ZNF670: variants seen among roughly 807,000 people sequenced by gnomAD.
ZNF670 encodes zinc finger protein 670.
A neutral mutation model predicts 10.9 loss-of-function variants in ZNF670; 7 were observed. That is an observed-to-expected ratio of 0.64 (90% CI 0.36 to 1.20). The LOEUF (loss-of-function observed/expected upper bound fraction) is 1.20. Ranked by LOEUF, ZNF670 falls within the 50% of genes most tolerant of loss-of-function variation. ZNF670 has a pLI of 0.02. For missense variants in ZNF670, 446 were observed against 458.6 expected (o/e 0.97, Z 0.25); for synonymous variants, 136 against 152.7 (o/e 0.89, Z 0.81).
intron 1 of ZNF670, among the ~76,000 whole-genome samples, chr1:247,059,487 AAAAATAAAAAAT>A (rs1416389635): frequency 2.0e-5 from 3 of 151,974 alleles, no homozygotes; most frequent in Non-Finnish European, 2.9e-5. Context: ...ATAAATAAAC[AAAAATAAAAAAT>A]AAAATAAAAA....
At chr1:247,042,960 C>A in intron 1 of ZNF670, 1 of 707,814 alleles carries the variant, frequency 1.4e-6, no homozygotes, top group Non-Finnish European at 2.6e-6. Flanking sequence ...ACATTCGATA[C>A]CAATCCTTCA....
chr1:247,049,476 G>C (rs1412802893), intron 1 of ZNF670, among the ~76,000 whole-genome samples: 2 of 151,958 alleles, frequency 1.3e-5, no homozygotes, highest in African/African-American at 4.8e-5. Context: ...CCAGCTTTTT[G>C]TTTCATTTAT....
At chr1:247,056,926 C>T (rs1439119704) in intron 1 of ZNF670, among the ~76,000 whole-genome samples, 1 of 152,182 alleles carries the variant, frequency 6.6e-6, no homozygotes, top group Non-Finnish European at 1.5e-5. Context: ...CTCTTCAGGA[C>T]ATTGAACTGG....
chr1:247,057,404 A>G (rs1422619491), intron 1 of ZNF670, among the ~76,000 whole-genome samples: 2 of 152,324 alleles, frequency 1.3e-5, no homozygotes, highest in East Asian at 3.9e-4. Context: ...GTAAATTAGT[A>G]CAACCACTCT....
Position 247,039,498 on chromosome 1 carries a change from G to A in ZNF670, c.43C>T (p.Gln15Ter), listed in dbSNP as rs369122366. The A allele has an allele frequency of 3.1e-6, 5 of 1,604,488 alleles. No homozygotes were observed. Among genetic ancestry groups the A allele is most frequent in the East Asian group, 2.3e-5 (1 of 43,930 alleles). ...GGATCCAGCAAAGCCCACTCCTCCT[G>A]AGTAAAGGCCACAGCCACATCTTCA... ...SFEDVAVAFT[Q>*]EEWALLDPSQ... is the part of the protein sequence containing the mutation. Residue 15 changes from glutamine to a stop codon, truncating the protein, a stop_gained, in exon 2 of 4, where the codon CAG becomes TAG. Coordinates refer to ENST00000366503, the MANE Select transcript of ZNF670 (RefSeq NM_033213.5). LOFTEE classifies it high-confidence loss of function.
chr1:247,072,821 T>TACAC (rs1671164195), intron 1 of ZNF670, among the ~76,000 whole-genome samples: 2 of 82,076 alleles, frequency 2.4e-5, no homozygotes, highest in African/African-American at 1.3e-4. Context: ...TATATATATA[T>TACAC]ATATATATAT....
intron 1 of ZNF670, among the ~76,000 whole-genome samples, chr1:247,061,183 A>ATTTT (rs778969843): frequency 2.5e-4 from 36 of 144,186 alleles, no homozygotes; most frequent in African/African-American, 8.7e-4. Flanking sequence ...TTAAAAGTAA[A>ATTTT]TTTTTTTTTT....
At chr1:247,076,656 CTCTT>C (rs1217089701) in intron 1 of ZNF670, among the ~76,000 whole-genome samples, 3 of 120,994 alleles carry the variant, frequency 2.5e-5, no homozygotes, top group Non-Finnish European at 5.0e-5. Flanking sequence ...AGAATAAACT[CTCTT>C]TTTTTTTTTT....
intron 1 of ZNF670, among the ~76,000 whole-genome samples, chr1:247,055,901 A>C (rs1670703377): frequency 6.6e-6 from 1 of 152,188 alleles, no homozygotes; most frequent in African/African-American, 2.4e-5. Flanking sequence ...CAAAAACTAT[A>C]AAAAGAGACA....
intron 1 of ZNF670, among the ~76,000 whole-genome samples, chr1:247,072,050 G>A (rs1671129813): frequency 6.6e-6 from 1 of 151,558 alleles, no homozygotes; most frequent in African/African-American, 2.4e-5. Context: ...GTAGAGACGG[G>A]GTTTCACCGT....
intron 1 of ZNF670, among the ~76,000 whole-genome samples, chr1:247,072,645 GGCATGGCGGT>G (rs1671145676): frequency 6.6e-6 from 1 of 150,856 alleles, no homozygotes; most frequent in Non-Finnish European, 1.5e-5. Flanking sequence ...AAATTAGCTG[GGCATGGCGGT>G]GCATGCCTGT....
Position 247,035,093 on chromosome 1 carries a change from T to C in ZNF670, c.*2356A>G, listed in dbSNP as rs1429788930. ...CATCAATTGCTGTTTCTAATTCAGGTGACTTCTGTTATATTATGGAACCAG... is the reference window on the plus strand; with the variant it reads ...CATCAATTGCTGTTTCTAATTCAGGCGACTTCTGTTATATTATGGAACCAG... On this transcript the variant is annotated 3_prime_UTR_variant, in exon 4 of 4. Coordinates refer to ENST00000366503, the MANE Select transcript of ZNF670 (RefSeq NM_033213.5). 6.6e-6 allele frequency among the ~76,000 whole-genome samples: 1 copy of C among 152,212 alleles called. No individual in the cohort carries two copies. Among genetic ancestry groups the C allele is most frequent in the Non-Finnish European group, 1.5e-5 (1 of 68,028 alleles).
intron 1 of ZNF670, among the ~76,000 whole-genome samples, chr1:247,067,440 A>AAG (rs981901462): frequency 1.3e-5 from 2 of 151,136 alleles, no homozygotes; most frequent in African/African-American, 2.4e-5. Flanking sequence ...CGTCTCAAAA[A>AAG]AAAAAAAAAA....
chr1:247,067,435 CAAAAAA>C (rs61363241), intron 1 of ZNF670, among the ~76,000 whole-genome samples: 1 of 77,250 alleles, frequency 1.3e-5, no homozygotes. Flanking sequence ...GATCCCGTCT[CAAAAAA>C]AAAAAAAAAA....
intron 1 of ZNF670, among the ~76,000 whole-genome samples, chr1:247,048,303 C>T (rs986407957): frequency 5.3e-5 from 8 of 152,196 alleles, no homozygotes; most frequent in Admixed American, 6.5e-5. Flanking sequence ...GGGCAAAATG[C>T]TGCCAGTCTC....
rs372441684 is a variant in ZNF670, at chr1:247,037,494, A to G, written c.1125T>C (p.Ser375=). 1.1e-5 allele frequency: 18 copies of G among 1,613,838 alleles called. No homozygotes were observed. The highest frequency in any genetic ancestry group is 1.4e-5 in the Non-Finnish European group (16 of 1,179,928). The change falls in exon 4 of 4, where the codon AGT becomes AGC. Residue 375 remains serine, a synonymous_variant. Transcript: ENST00000366503. ...CATGCTTTCGAAGGGAACTGGAACA[A>G]CTGAAGGCTTTACCACATTTCTTAC... ...YECKKCGKAF[S]CSSSLRKHER...
At chr1:247,070,428 G>A (rs1329769267) in intron 1 of ZNF670, among the ~76,000 whole-genome samples, 4 of 152,116 alleles carry the variant, frequency 2.6e-5, no homozygotes, top group Admixed American at 6.5e-5. Context: ...CCGAGATCAC[G>A]CCACTGCACT....
At chr1:247,049,303 C>T (rs116386708) in intron 1 of ZNF670, among the ~76,000 whole-genome samples, 4,246 of 151,858 alleles carry the variant, frequency 0.028, 199 homozygotes, top group African/African-American at 0.094. Flanking sequence ...CCTGACCTCA[C>T]GACCTGCCCA....
chr1:247,038,896 T>C (rs1670234266), intron 2 of ZNF670, 26 bp from the exon 3 acceptor site: 1 of 1,584,704 alleles, frequency 6.3e-7, no homozygotes, highest in African/African-American at 1.3e-5. Context: ...ATAAGATTAT[T>C]CAAATGATTA....
Sources: allele counts gnomAD v4.1 joint callset (sites outside exome capture counted in the v4.1 genomes callset), GRCh38; gene constraint gnomAD v4.1.1; transcripts MANE v1.5; gene names NCBI Gene and HGNC (gene_info 2026-07-23, HGNC 2026-07-21).